SH3BGRL2: variants seen among roughly 807,000 people sequenced by gnomAD.
SH3BGRL2 encodes the protein SH3 domain-binding glutamic acid-rich-like protein 2.
Under a neutral mutation model 14.8 loss-of-function variants are expected in SH3BGRL2, and 21 were observed. That is an observed-to-expected ratio of 1.42 (90% CI 1.01 to 2.05). SH3BGRL2 has a LOEUF of 2.05. SH3BGRL2 is among the 30% of genes most tolerant of loss of function. The probability of loss-of-function intolerance (pLI) is 0.00; values close to 1 mark genes in which losing one functional copy is unlikely to be tolerated. For synonymous variants in SH3BGRL2, 50 were observed against 47.8 expected (o/e 1.05, Z -0.19); for missense variants, 147 against 130.8 (o/e 1.12, Z -0.61).
intron 1 of SH3BGRL2, 25 bp from the exon 2 acceptor site, chr6:79,673,589 T>C (rs746285163): frequency 3.7e-6 from 6 of 1,610,022 alleles, no homozygotes; most frequent in Non-Finnish European, 5.1e-6. Context: ...GCGTATCTAC[T>C]TATTTGTTTG....
the SH3BGRL2 span, among the ~76,000 whole-genome samples, chr6:79,618,726 C>G: frequency 1.4e-4 from 21 of 151,674 alleles, no homozygotes; most frequent in Admixed American, 1.4e-3. Flanking sequence ...CGAGACCAGC[C>G]TGACCAACAT....
At chr6:79,680,410 ACT>A (rs1464181745) in intron 2 of SH3BGRL2, among the ~76,000 whole-genome samples, 6 of 151,516 alleles carry the variant, frequency 4.0e-5, no homozygotes, top group African/African-American at 4.9e-5. Context: ...TTTATTTTGG[ACT>A]CTCTGTTCTG....
At chr6:79,549,431 C>G in the SH3BGRL2 span, among the ~76,000 whole-genome samples, 17,880 of 152,120 alleles carry the variant, frequency 0.12, 1,930 homozygotes, top group East Asian at 0.59. Context: ...ACCAGTGGTC[C>G]CATAAGATTA....
chr6:79,668,650 A>G, intron 1 of SH3BGRL2, among the ~76,000 whole-genome samples: 1 of 152,172 alleles, frequency 6.6e-6, no homozygotes, highest in African/African-American at 2.4e-5. Flanking sequence ...AATGGGAAGC[A>G]GATTCAGGGA....
the SH3BGRL2 span, among the ~76,000 whole-genome samples, chr6:79,567,089 A>G: frequency 5.9e-5 from 9 of 152,140 alleles, no homozygotes; most frequent in Middle Eastern, 3.2e-3. Flanking sequence ...ATGTTTTTTA[A>G]GCAAAATGAA....
the SH3BGRL2 span, among the ~76,000 whole-genome samples, chr6:79,541,316 T>C: frequency 2.6e-4 from 40 of 152,272 alleles, 1 homozygote; most frequent in African/African-American, 7.9e-4. Flanking sequence ...TGCTTTTCAC[T>C]GTATGTAAAT....
the SH3BGRL2 span, among the ~76,000 whole-genome samples, chr6:79,615,771 T>C: frequency 6.6e-6 from 1 of 151,972 alleles, no homozygotes; most frequent in Admixed American, 6.6e-5. Flanking sequence ...TTTTCTAACA[T>C]TGTGTATTTG....
intron 2 of SH3BGRL2, among the ~76,000 whole-genome samples, chr6:79,686,361 T>A (rs1770090131): frequency 6.6e-6 from 1 of 152,168 alleles, no homozygotes; most frequent in African/African-American, 2.4e-5. Context: ...CTTCAGGATC[T>A]TTTTTCCTTT....
chr6:79,649,981 T>TCACACACACA (rs750538104), intron 1 of SH3BGRL2, among the ~76,000 whole-genome samples: 23 of 91,802 alleles, frequency 2.5e-4, no homozygotes, highest in Non-Finnish European at 2.6e-4. Context: ...TCTCTCTCTC[T>TCACACACACA]CTCTCACACA....
the SH3BGRL2 span, among the ~76,000 whole-genome samples, chr6:79,617,800 A>T: frequency 1.8e-3 from 270 of 152,348 alleles, no homozygotes; most frequent in African/African-American, 6.0e-3. Flanking sequence ...GATACTTCAC[A>T]GGTGATTTGT....
chr6:79,610,495 A>C, the SH3BGRL2 span, among the ~76,000 whole-genome samples: 1 of 152,238 alleles, frequency 6.6e-6, no homozygotes, highest in African/African-American at 2.4e-5. Flanking sequence ...TGCTCACAGC[A>C]GTTCATAAGT....
rs975091398 is a variant in SH3BGRL2, at chr6:79,631,577, C to G, written c.45+71C>G. Reference sequence around the variant, plus strand: ...GGTCCTGCGGGAGGCGCGCGGCGCTCGTCACTGCGCGTCCTTGCGCTCAGC... The same window carrying G: ...GGTCCTGCGGGAGGCGCGCGGCGCTGGTCACTGCGCGTCCTTGCGCTCAGC... On this transcript the variant is annotated intron_variant, in intron 1 of 3. Coordinates refer to ENST00000369838, the MANE Select transcript of SH3BGRL2 (RefSeq NM_031469.4). The G allele has an allele frequency of 4.9e-6, 6 of 1,220,536 alleles. No homozygotes were observed. In the South Asian group the frequency reaches 7.6e-5, roughly 16 times the overall value. 75.6% of individuals were successfully genotyped at this position (1,220,536 alleles called of 1,614,324 possible). A position where few individuals can be genotyped will look rare whatever the true frequency, so the allele number is the denominator to read the frequency against.
intron 1 of SH3BGRL2, among the ~76,000 whole-genome samples, chr6:79,648,255 C>CATATGTATATATATATAT (rs1769182667): frequency 1.6e-5 from 1 of 62,472 alleles, no homozygotes; most frequent in Non-Finnish European, 2.9e-5. Context: ...ATTCTTTTGG[C>CATATGTATATATATATAT]ATATATATAT....
chr6:79,585,180 A>C, the SH3BGRL2 span, among the ~76,000 whole-genome samples: 1 of 152,172 alleles, frequency 6.6e-6, no homozygotes, highest in East Asian at 1.9e-4. Flanking sequence ...AGATTCTTCA[A>C]ACTTGGATAA....
the SH3BGRL2 span, among the ~76,000 whole-genome samples, chr6:79,565,319 A>G: frequency 6.6e-6 from 1 of 152,220 alleles, no homozygotes; most frequent in Non-Finnish European, 1.5e-5. Flanking sequence ...AATTTTAAGG[A>G]TATAAAATGG....
At chr6:79,683,196 A>G (rs1010393726) in intron 2 of SH3BGRL2, among the ~76,000 whole-genome samples, 7 of 152,140 alleles carry the variant, frequency 4.6e-5, no homozygotes, top group African/African-American at 1.4e-4. Context: ...TTAAAGTATA[A>G]TTTAAAAAAA....
At chr6:79,677,373 T>C (rs191269232) in intron 2 of SH3BGRL2, among the ~76,000 whole-genome samples, 22 of 152,296 alleles carry the variant, frequency 1.4e-4, no homozygotes, top group African/African-American at 5.3e-4. Flanking sequence ...ACAATTGCCT[T>C]CTCTCTCATT....
rs1428725069 is a variant in SH3BGRL2 at position 79,632,016 on chromosome 6, G to T, written c.45+510G>T. On this transcript the variant is annotated intron_variant, in intron 1 of 3. Coordinates refer to ENST00000369838, the MANE Select transcript of SH3BGRL2 (RefSeq NM_031469.4). ...TGCATTTGTTTAGTTTTATACCTGC[G>T]CAAAGAGAATAGTAAAACTAGGTTT... 5.3e-5 allele frequency among the ~76,000 whole-genome samples: 8 copies of T among 152,256 alleles called. No individual in the cohort carries two copies. In the East Asian group the frequency reaches 1.5e-3, roughly 29 times the overall value.
At chr6:79,692,926 T>G (rs1484809790) in intron 2 of SH3BGRL2, among the ~76,000 whole-genome samples, 1 of 152,180 alleles carries the variant, frequency 6.6e-6, no homozygotes, top group Non-Finnish European at 1.5e-5. Flanking sequence ...GGATGGCATT[T>G]AATCTATAAA....
Sources: gnomAD v4.1 joint callset for allele counts (sites outside exome capture counted in the v4.1 genomes callset) on GRCh38, gnomAD v4.1.1 for gene constraint, MANE v1.5 for transcripts, NCBI Gene and HGNC (gene_info 2026-07-23, HGNC 2026-07-21) for gene names.